Variants in PTH2R observed in about 807,000 individuals in gnomAD.
PTH2R encodes the protein PTH2 receptor.
Under a neutral mutation model 60.3 loss-of-function variants are expected in PTH2R, and 59 were observed. That is an observed-to-expected ratio of 0.98 (90% CI 0.79 to 1.22). The LOEUF is 1.22. Among genes scored for constraint, PTH2R ranks in the 50% most tolerant of loss-of-function variants. PTH2R has a pLI of 0.00. For synonymous variants in PTH2R, 256 were observed against 243.8 expected, an observed-to-expected ratio of 1.05 and a Z score of -0.47; for missense variants, 749 against 682.6, an observed-to-expected ratio of 1.10 and a Z score of -1.08.
chr2:208,458,809 C>T (rs149329038), intron 8 of PTH2R, among the ~76,000 whole-genome samples: 1 of 152,188 alleles, frequency 6.6e-6, no homozygotes, highest in East Asian at 1.9e-4. Flanking sequence ...CATAATATTC[C>T]ATGGTATACA....
At chr2:208,478,810 C>A (rs992746739) in intron 9 of PTH2R, among the ~76,000 whole-genome samples, 2 of 152,240 alleles carry the variant, frequency 1.3e-5, no homozygotes, top group East Asian at 3.9e-4. Context: ...CTGCCGCTTG[C>A]TAGCTGTGTG....
At chr2:208,450,407 C>T (rs1164021081) in intron 7 of PTH2R, among the ~76,000 whole-genome samples, 2 of 152,156 alleles carry the variant, frequency 1.3e-5, no homozygotes, top group Non-Finnish European at 2.9e-5. Context: ...ATATGATGGT[C>T]AGCGTGACAA....
Sources: allele counts gnomAD v4.1 joint callset (sites outside exome capture counted in the v4.1 genomes callset), GRCh38; gene constraint gnomAD v4.1.1; transcripts MANE v1.5; gene names NCBI Gene and HGNC (gene_info 2026-07-23, HGNC 2026-07-21).